The following ALKBH5 variants were observed in gnomAD, a reference collection of about 807,000 sequenced individuals.
ALKBH5 encodes the protein RNA demethylase ALKBH5.
A neutral mutation model predicts 32.1 loss-of-function variants in ALKBH5; 2 were observed. The observed-to-expected ratio is 0.06, with a 90% confidence interval of 0.03 to 0.20. The LOEUF (loss-of-function observed/expected upper bound fraction) is 0.20, where lower values mean the gene tolerates loss of function less well. Ranked by LOEUF, ALKBH5 falls within the 10% of genes least tolerant of loss-of-function variation. The probability of loss-of-function intolerance (pLI) is 1.00; values close to 1 mark genes in which losing one functional copy is unlikely to be tolerated. For missense variants in ALKBH5, 352 were observed against 559.5 expected (o/e 0.63, Z 3.74); for synonymous variants, 300 against 231.7 (o/e 1.29, Z -2.68).
At chr17:18,202,935 A>T (rs927244884) in intron 2 of ALKBH5, among the ~76,000 whole-genome samples, 5 of 152,038 alleles carry the variant, frequency 3.3e-5, no homozygotes, top group African/African-American at 1.2e-4. Context: ...TTAGCTGGGC[A>T]TGGTGGCGTG....
At chr17:18,193,461 C>T (rs950016595) in intron 1 of ALKBH5, among the ~76,000 whole-genome samples, 1 of 151,802 alleles carries the variant, frequency 6.6e-6, no homozygotes. Context: ...GCAGGAGAAT[C>T]GCTTGAACCC....
chr17:18,192,732 A>G (rs1258440456), intron 1 of ALKBH5, among the ~76,000 whole-genome samples: 2 of 152,214 alleles, frequency 1.3e-5, no homozygotes. Flanking sequence ...TAAGTGCTCA[A>G]AGTCAGTGGG....
chr17:18,192,861 T>TC (rs1449257119), intron 1 of ALKBH5, among the ~76,000 whole-genome samples: 1 of 84,918 alleles, frequency 1.2e-5, no homozygotes, highest in Non-Finnish European at 2.8e-5. Flanking sequence ...TTTCTTTTTT[T>TC]TTTTTTTTTT....
At chr17:18,206,679 G>GAGT in intron 2 of ALKBH5, 136 bp from the exon 3 acceptor site, 1 of 891,994 alleles carries the variant, frequency 1.1e-6, no homozygotes, top group East Asian at 2.5e-5. Flanking sequence ...ACCTCAAGGA[G>GAGT]AGTGAGGTAC....
intron 1 of ALKBH5, 57 bp downstream of exon 1, chr17:18,185,070 T>G: frequency 3.8e-6 from 6 of 1,564,916 alleles, no homozygotes; most frequent in Non-Finnish European, 5.2e-6. Context: ...CTACCCACCC[T>G]GGCCCAGAAA....
chr17:18,196,910 G>A (rs2047207638), intron 2 of ALKBH5, among the ~76,000 whole-genome samples: 2 of 152,122 alleles, frequency 1.3e-5, no homozygotes, highest in African/African-American at 4.8e-5. Context: ...TATTTTTTAT[G>A]TAAGTATGGA....
At chr17:18,207,854 G>A (rs1215582397) in intron 3 of ALKBH5, among the ~76,000 whole-genome samples, 3 of 152,126 alleles carry the variant, frequency 2.0e-5, no homozygotes, top group Non-Finnish European at 4.4e-5. Flanking sequence ...AGAAGGGGGT[G>A]TTGGGAGGCC....
intron 2 of ALKBH5, among the ~76,000 whole-genome samples, chr17:18,199,295 C>CGTTTA (rs2047222535): frequency 6.6e-6 from 1 of 152,148 alleles, no homozygotes. Flanking sequence ...TCGTTGGTAA[C>CGTTTA]CCTGGAAGGG....
Position 18,190,552 on chromosome 17 carries a change from A to G in ALKBH5, c.771-4403A>G, listed in dbSNP as rs954861231. 9.5e-3 allele frequency among the ~76,000 whole-genome samples: 782 copies of G among 82,526 alleles called. 7 individuals carry two copies. The highest frequency in any genetic ancestry group is 0.032 in the African/African-American group (748 of 23,166). The allele number at this position is 82,526 out of a possible 152,430, so 54.1% of individuals were successfully genotyped here. A position where few individuals can be genotyped will look rare whatever the true frequency, so the allele number is the denominator to read the frequency against. Reference sequence around the variant, plus strand: ...CAACAGAGTGGGACTCTGTTTCCGAAAAAAAAAAAAAAAAAAAAAATTTCA... The same window carrying G: ...CAACAGAGTGGGACTCTGTTTCCGAGAAAAAAAAAAAAAAAAAAAATTTCA... On this transcript the variant is annotated intron_variant, in intron 1 of 3. Coordinates refer to ENST00000399138, the MANE Select transcript of ALKBH5 (RefSeq NM_017758.4).
Position 18,208,664 on chromosome 17 carries a change from C to T in ALKBH5, c.*268C>T. On this transcript the variant is annotated 3_prime_UTR_variant, in exon 4 of 4. Transcript: ENST00000399138. ...GGACAGAGGCTGATGCTGGAGTGGC[C>T]AGTAGAGGTGGTGGAGCAGAGCAGC... 1.7e-6 allele frequency: 1 copy of T among 575,500 alleles called. No individual in the cohort carries two copies. The highest frequency in any genetic ancestry group is 3.1e-6 in the Non-Finnish European group (1 of 319,096). 35.6% of individuals were successfully genotyped at this position (575,500 alleles called of 1,614,324 possible).
chr17:18,207,619 C>T (rs1220009084), intron 3 of ALKBH5, among the ~76,000 whole-genome samples: 7 of 151,384 alleles, frequency 4.6e-5, no homozygotes, highest in Admixed American at 4.6e-4. Flanking sequence ...CCCGAGATGG[C>T]ACCGCTGCAC....
intron 1 of ALKBH5, among the ~76,000 whole-genome samples, chr17:18,192,882 C>T (rs1210294050): frequency 6.0e-5 from 7 of 117,380 alleles, no homozygotes; most frequent in African/African-American, 1.7e-4. Flanking sequence ...TTTTTTGAGA[C>T]GGAGTCTCAC....
intron 1 of ALKBH5, among the ~76,000 whole-genome samples, chr17:18,189,079 A>T (rs745764855): frequency 7.1e-6 from 1 of 141,304 alleles, no homozygotes; most frequent in Admixed American, 7.1e-5. Context: ...AAAAAATAAT[A>T]AAAAAAAAAA....
intron 2 of ALKBH5, among the ~76,000 whole-genome samples, chr17:18,203,349 C>T (rs1036513893): frequency 6.6e-6 from 1 of 152,212 alleles, no homozygotes; most frequent in Non-Finnish European, 1.5e-5. Flanking sequence ...AGCAGCTTCT[C>T]TGGAGGACCT....
chr17:18,195,258 G>A (rs1010444438), intron 2 of ALKBH5, among the ~76,000 whole-genome samples: 1 of 152,186 alleles, frequency 6.6e-6, no homozygotes, highest in African/African-American at 2.4e-5. Context: ...CTGAGCAAAA[G>A]CATATACGCC....
At chr17:18,202,900 C>T (rs11654177) in intron 2 of ALKBH5, among the ~76,000 whole-genome samples, 31,985 of 151,626 alleles carry the variant, frequency 0.21, 3,679 homozygotes, top group Middle Eastern at 0.31. Flanking sequence ...ATGGTGAAAC[C>T]CTGTCCCTAC....
chr17:18,208,741 T>C lies in ALKBH5; in HGVS notation c.*345T>C, dbSNP rs552989305. 2.6e-6 allele frequency: 1 copy of C among 383,208 alleles called. No individual in the cohort carries two copies. Among genetic ancestry groups the C allele is most frequent in the South Asian group, 2.3e-5 (1 of 44,262 alleles). 23.7% of individuals were successfully genotyped at this position (383,208 alleles called of 1,614,324 possible). Reference sequence around the variant, plus strand: ...CTGGGTTTATTTAAAAGCAACAAAATGTTTTGGTTAAGAAAATTATTTTGC... The same window carrying C: ...CTGGGTTTATTTAAAAGCAACAAAACGTTTTGGTTAAGAAAATTATTTTGC... On this transcript the variant is annotated 3_prime_UTR_variant, in exon 4 of 4. Coordinates refer to ENST00000399138, the MANE Select transcript of ALKBH5 (RefSeq NM_017758.4).
chr17:18,187,140 AG>A (rs1269693190), intron 1 of ALKBH5, among the ~76,000 whole-genome samples: 2 of 152,090 alleles, frequency 1.3e-5, no homozygotes, highest in Admixed American at 1.3e-4. Context: ...TAGCCCAGGA[AG>A]GTAACTGCAG....
At chr17:18,193,455 G>A (rs1028875376) in intron 1 of ALKBH5, among the ~76,000 whole-genome samples, 5 of 151,880 alleles carry the variant, frequency 3.3e-5, no homozygotes, top group African/African-American at 1.2e-4. Context: ...GCTGAGGCAG[G>A]AGAATCGCTT....
Sources: allele counts gnomAD v4.1 joint callset (sites outside exome capture counted in the v4.1 genomes callset), GRCh38; gene constraint gnomAD v4.1.1; transcripts MANE v1.5; gene names NCBI Gene and HGNC (gene_info 2026-07-23, HGNC 2026-07-21).